The following LARS2 variants were observed in gnomAD, a reference collection of about 807,000 sequenced individuals.
The protein encoded by LARS2 is leucine--tRNA ligase, mitochondrial.
Under a neutral mutation model 116.6 loss-of-function variants are expected in LARS2, and 81 were observed. The ratio of observed to expected loss-of-function variants is 0.69; its 90% CI spans 0.58 to 0.84. The LOEUF (loss-of-function observed/expected upper bound fraction) is 0.84, where lower values mean the gene tolerates loss of function less well. Ranked by LOEUF, LARS2 falls within the 40% of genes least tolerant of loss-of-function variation. The pLI is 0.00. For missense variants in LARS2, 968 were observed against 1,114.5 expected (o/e 0.87, Z 1.87); for synonymous variants, 396 against 407.2 (o/e 0.97, Z 0.33).
chr3:45,406,598 T>C (rs1698235598), intron 4 of LARS2, among the ~76,000 whole-genome samples: 1 of 152,110 alleles, frequency 6.6e-6, no homozygotes. Flanking sequence ...GAAACGGGGT[T>C]AGTCAAAGCG....
At chr3:45,411,593 T>C (rs1698332642) in intron 4 of LARS2, among the ~76,000 whole-genome samples, 1 of 151,852 alleles carries the variant, frequency 6.6e-6, no homozygotes. Flanking sequence ...CACACTTACA[T>C]ATTTTGTGCA....
chr3:45,403,257 C>T (rs1698183780), intron 4 of LARS2, among the ~76,000 whole-genome samples: 1 of 151,344 alleles, frequency 6.6e-6, no homozygotes, highest in Non-Finnish European at 1.5e-5. Flanking sequence ...TTTTTTTTAA[C>T]TTAGGCCAAC....
chr3:45,463,262 C>T (rs139150128), intron 8 of LARS2, among the ~76,000 whole-genome samples: 20 of 152,360 alleles, frequency 1.3e-4, no homozygotes, highest in African/African-American at 4.3e-4. Context: ...CTGCTGACTC[C>T]GCTGGCCCCT....
At chr3:45,520,145 T>G (rs1255992880) in intron 18 of LARS2, 74 bp from the exon 19 acceptor site, 3 of 1,028,782 alleles carry the variant, frequency 2.9e-6, no homozygotes, top group African/African-American at 3.2e-5. Context: ...TTTTTTTGTT[T>G]TGATAATTCA....
intron 16 of LARS2, 62 bp downstream of exon 16, chr3:45,513,297 G>GCTCTCAGGC: frequency 9.2e-7 from 1 of 1,092,626 alleles, no homozygotes; most frequent in Non-Finnish European, 1.4e-6. Context: ...AGGCCTGAGA[G>GCTCTCAGGC]CTACTGAGCA....
intron 8 of LARS2, among the ~76,000 whole-genome samples, chr3:45,470,106 C>CT (rs562927051): frequency 1.0e-3 from 152 of 152,030 alleles, no homozygotes; most frequent in African/African-American, 3.5e-3. Context: ...TTTGCTTGCA[C>CT]TTTTTTTTAC....
At chr3:45,527,352 C>T (rs1214573261) in intron 20 of LARS2, among the ~76,000 whole-genome samples, 2 of 152,088 alleles carry the variant, frequency 1.3e-5, no homozygotes, top group East Asian at 1.9e-4. Flanking sequence ...TTGCCGGGCG[C>T]GGTGGCTCAC....
intron 7 of LARS2, among the ~76,000 whole-genome samples, chr3:45,451,342 AC>A (rs1553631680): frequency 1.3e-5 from 2 of 151,862 alleles, no homozygotes; most frequent in Non-Finnish European, 2.9e-5. Context: ...TTTCGGTCTT[AC>A]ATTTAAGTCT....
intron 19 of LARS2, among the ~76,000 whole-genome samples, chr3:45,521,699 G>GA (rs1700457571): frequency 6.6e-6 from 1 of 150,970 alleles, no homozygotes; most frequent in South Asian, 2.1e-4. Flanking sequence ...CATTTGTGGA[G>GA]AAAAAAAAGT....
At chr3:45,538,472 T>G (rs1344041938) in intron 20 of LARS2, 1 of 152,246 alleles carries the variant, frequency 6.6e-6, no homozygotes, top group Non-Finnish European at 1.5e-5. Flanking sequence ...CGTCTCATAT[T>G]CAGATGTGAG....
chr3:45,394,637 T>A lies in LARS2; in HGVS notation c.184T>A (p.Trp62Arg). The A allele has an allele frequency of 6.2e-7, 1 of 1,614,010 alleles. No homozygotes were observed. Among genetic ancestry groups the A allele is most frequent in the Non-Finnish European group, 8.5e-7 (1 of 1,179,974 alleles). Reference sequence around the variant, plus strand: ...GCAGACAAGAAAGGATGTTGAGAAATGGTGGCATCAACGAATAAAAGAACA... The same window carrying A: ...GCAGACAAGAAAGGATGTTGAGAAAAGGTGGCATCAACGAATAAAAGAACA... ...TLQTRKDVEK[W>R]WHQRIKEQAS... The change falls in exon 3 of 22, where the codon TGG becomes AGG. Residue 62 changes from tryptophan (W) to arginine (R), a missense_variant. Trp to Arg is a moderately radical substitution (Grantham distance 101, BLOSUM62 -3). Coordinates refer to ENST00000645846, the MANE Select transcript of LARS2 (RefSeq NM_015340.4).
intron 6 of LARS2, among the ~76,000 whole-genome samples, chr3:45,437,172 T>C (rs1403191026): frequency 6.6e-6 from 1 of 152,222 alleles, no homozygotes. Flanking sequence ...CATGAACCTG[T>C]CAAATGATTT....
At chr3:45,411,501 A>G (rs1408530096) in intron 4 of LARS2, among the ~76,000 whole-genome samples, 1 of 152,200 alleles carries the variant, frequency 6.6e-6, no homozygotes, top group East Asian at 1.9e-4. Context: ...AAAACCTTCC[A>G]GCCTTCCAAG....
intron 12 of LARS2, among the ~76,000 whole-genome samples, chr3:45,490,748 T>G (rs1575288693): frequency 6.6e-6 from 1 of 152,188 alleles, no homozygotes; most frequent in East Asian, 1.9e-4. Context: ...GCCCAGTGGG[T>G]CTTCACTGAA....
At chr3:45,417,743 C>T (rs1401044422) in intron 5 of LARS2, among the ~76,000 whole-genome samples, 170 bp downstream of exon 5, 1 of 152,100 alleles carries the variant, frequency 6.6e-6, no homozygotes, top group Non-Finnish European at 1.5e-5. Context: ...GTATTCTTAT[C>T]TAAGAAATAT....
At chr3:45,406,691 A>G (rs1270335854) in intron 4 of LARS2, among the ~76,000 whole-genome samples, 2 of 152,218 alleles carry the variant, frequency 1.3e-5, no homozygotes, top group East Asian at 3.8e-4. Context: ...ACCCTCTAAA[A>G]ACAATATGTA....
chr3:45,453,086 T>G (rs951741998), intron 7 of LARS2, among the ~76,000 whole-genome samples: 2 of 152,178 alleles, frequency 1.3e-5, no homozygotes, highest in Non-Finnish European at 2.9e-5. Flanking sequence ...TTGTTGATTT[T>G]GTGTGAATTT....
chr3:45,548,851 G>A lies in LARS2; in HGVS notation c.*1321G>A, dbSNP rs1050424313. 2 of 152,188 alleles carry A rather than the reference G, an allele frequency of 1.3e-5. No homozygotes were observed. Among genetic ancestry groups the A allele is most frequent in the Non-Finnish European group, 2.9e-5 (2 of 68,044 alleles). 9.4% of individuals were successfully genotyped at this position (152,188 alleles called of 1,614,324 possible). ...TATCATCTATGACTTCAGGACATAT[G>A]TGTGATCCTGGAATACACCATATTC... On this transcript the variant is annotated 3_prime_UTR_variant, in exon 22 of 22. Coordinates refer to ENST00000645846, the MANE Select transcript of LARS2 (RefSeq NM_015340.4).
At chr3:45,467,206 C>G (rs1278148025) in intron 8 of LARS2, among the ~76,000 whole-genome samples, 1 of 152,144 alleles carries the variant, frequency 6.6e-6, no homozygotes, top group Non-Finnish European at 1.5e-5. Context: ...AGCCCAGCTG[C>G]AGAGAGACCA....
Sources: gnomAD v4.1 joint callset for allele counts (sites outside exome capture counted in the v4.1 genomes callset) on GRCh38, gnomAD v4.1.1 for gene constraint, MANE v1.5 for transcripts, NCBI Gene and HGNC (gene_info 2026-07-23, HGNC 2026-07-21) for gene names.